PTPRO: variants seen among roughly 807,000 people sequenced by gnomAD.
PTPRO encodes protein tyrosine phosphatase receptor type O.
A neutral mutation model predicts 145.2 loss-of-function variants in PTPRO; 62 were observed. That is an observed-to-expected ratio of 0.43 (90% CI 0.35 to 0.53). The LOEUF is 0.53. Among genes scored for constraint, PTPRO ranks in the 20% least tolerant of loss-of-function variants. The pLI, the probability that PTPRO is intolerant of heterozygous loss-of-function variation, is 0.01. For missense variants in PTPRO, 1,345 were observed against 1,482.7 expected (o/e 0.91, Z 1.53); for synonymous variants, 565 against 514.7 (o/e 1.10, Z -1.32).
chr12:15,462,147 G>A (rs71459180), intron 1 of PTPRO, among the ~76,000 whole-genome samples: 1,529 of 151,822 alleles, frequency 0.01, 10 homozygotes, highest in Admixed American at 0.021. Context: ...CTTTTGAGAC[G>A]GCATTTCACC....
intron 1 of PTPRO, among the ~76,000 whole-genome samples, chr12:15,375,760 CAAAAAAA>C (rs529757376): frequency 3.5e-5 from 3 of 84,662 alleles, no homozygotes; most frequent in African/African-American, 4.5e-5. Context: ...TGTCCCCCAC[CAAAAAAA>C]AAAAAAAAAA....
chr12:15,499,650 G>A, intron 4 of PTPRO, 56 bp downstream of exon 4: 2 of 1,550,366 alleles, frequency 1.3e-6, no homozygotes, highest in African/African-American at 1.4e-5. Flanking sequence ...ATATTTTGCT[G>A]TACATTTATT....
chr12:15,381,582 A>G (rs1938863519), intron 1 of PTPRO, among the ~76,000 whole-genome samples: 1 of 152,132 alleles, frequency 6.6e-6, no homozygotes, highest in Non-Finnish European at 1.5e-5. Context: ...AATTAAGAAG[A>G]CAACAATAAT....
chr12:15,595,309 T>A (rs1014857591), intron 26 of PTPRO: 2 of 459,782 alleles, frequency 4.3e-6, no homozygotes, highest in East Asian at 4.3e-5. Flanking sequence ...TGACTTTACC[T>A]CCATTCCCTC....
At chr12:15,324,014 T>A (rs927721502) in intron 1 of PTPRO, among the ~76,000 whole-genome samples, 1 of 152,184 alleles carries the variant, frequency 6.6e-6, no homozygotes, top group African/African-American at 2.4e-5. Flanking sequence ...TGTTTTAACA[T>A]TTTTTCTTAA....
At chr12:15,522,840 T>C (rs1942754266) in intron 10 of PTPRO, among the ~76,000 whole-genome samples, 3 of 152,228 alleles carry the variant, frequency 2.0e-5, no homozygotes, top group Admixed American at 6.5e-5. Flanking sequence ...AAATCTGACA[T>C]GTGAGAGGAA....
intron 1 of PTPRO, among the ~76,000 whole-genome samples, chr12:15,451,207 C>G (rs972483556): frequency 6.6e-5 from 10 of 151,714 alleles, no homozygotes; most frequent in Admixed American, 6.6e-4. Context: ...ACAAAGCAAA[C>G]TTTAAAGCAA....
Position 15,597,934 on chromosome 12 carries a change from C to T in PTPRO, c.*1861C>T, listed in dbSNP as rs1944690831. On this transcript the variant is annotated 3_prime_UTR_variant, in exon 27 of 27. Transcript: ENST00000281171. Reference sequence around the variant, plus strand: ...GGGCAGTCAGGAGTGAAATGTGCAACCTTGGAAGAGCTGATACAATGTATG... The same window carrying T: ...GGGCAGTCAGGAGTGAAATGTGCAATCTTGGAAGAGCTGATACAATGTATG... 1.3e-5 allele frequency among the ~76,000 whole-genome samples: 2 copies of T among 152,170 alleles called. No homozygotes were observed. The highest frequency in any genetic ancestry group is 1.3e-4 in the Admixed American group (2 of 15,264).
At chr12:15,552,422 A>G (rs1247211099) in intron 15 of PTPRO, among the ~76,000 whole-genome samples, 1 of 152,212 alleles carries the variant, frequency 6.6e-6, no homozygotes, top group Non-Finnish European at 1.5e-5. Context: ...TTATAAATTA[A>G]CATTCTTCTC....
chr12:15,545,911 G>A (rs190953994), intron 12 of PTPRO, among the ~76,000 whole-genome samples: 1 of 151,942 alleles, frequency 6.6e-6, no homozygotes, highest in African/African-American at 2.4e-5. Context: ...AGTTACTTGG[G>A]AGTCGAGGCA....
At chr12:15,569,606 G>T in intron 19 of PTPRO, 108 bp downstream of exon 19, 3 of 998,514 alleles carry the variant, frequency 3.0e-6, no homozygotes, top group South Asian at 2.8e-5. Context: ...TAACAAAAAG[G>T]GTATTGGCCT....
chr12:15,553,762 G>T (rs1001030719), intron 15 of PTPRO, among the ~76,000 whole-genome samples: 6 of 152,172 alleles, frequency 3.9e-5, no homozygotes, highest in Admixed American at 6.5e-5. Context: ...ACAGAGACAG[G>T]CATATCAACT....
intron 2 of PTPRO, among the ~76,000 whole-genome samples, chr12:15,490,379 C>T (rs376851271): frequency 1.4e-4 from 21 of 152,154 alleles, no homozygotes; most frequent in South Asian, 1.2e-3. Context: ...ACAACTCTGC[C>T]GTTGTAAACA....
chr12:15,553,617 G>C (rs970397019), intron 15 of PTPRO, among the ~76,000 whole-genome samples: 2 of 152,194 alleles, frequency 1.3e-5, no homozygotes, highest in South Asian at 2.1e-4. Context: ...GTATGCCTTT[G>C]GAAGGACTTT....
intron 9 of PTPRO, among the ~76,000 whole-genome samples, chr12:15,519,928 T>C (rs1942679524): frequency 6.6e-6 from 1 of 152,214 alleles, no homozygotes; most frequent in South Asian, 2.1e-4. Flanking sequence ...GTTTCGCATG[T>C]GTAATATTAG....
At chr12:15,414,142 AC>A (rs1192170149) in intron 1 of PTPRO, among the ~76,000 whole-genome samples, 1 of 152,228 alleles carries the variant, frequency 6.6e-6, no homozygotes, top group Non-Finnish European at 1.5e-5. Context: ...AAATACTGAT[AC>A]CCAGAAGTAA....
In PTPRO at chr12:15,508,589, T is replaced by G; in HGVS notation, c.1286T>G (p.Ile429Ser). 1 of 1,614,096 alleles carries G rather than the reference T, an allele frequency of 6.2e-7. No individual in the cohort carries two copies. The highest frequency in any genetic ancestry group is 8.5e-7 in the Non-Finnish European group (1 of 1,179,988). ...SFYISPSGEWIEELTEKPQHV... is the reference protein window; with the variant it reads ...SFYISPSGEWSEELTEKPQHV... ...TGTGCAGGTCCTTCAGGAGAGTGGA[T>G]TGAAGAACTGACCGAGAAGCCGCAG... The change falls in exon 7 of 27, where the codon ATT becomes AGT. Residue 429 changes from isoleucine to serine, a missense_variant. Around this residue, in one of 3 missense-constraint regions of PTPRO, gnomAD observed 1,130 missense variants for 1,214.7 expected, o/e 0.93. Coordinates refer to ENST00000281171, the MANE Select transcript of PTPRO (RefSeq NM_030667.3).
intron 7 of PTPRO, among the ~76,000 whole-genome samples, chr12:15,514,313 G>C (rs969609146): frequency 5.9e-5 from 9 of 151,842 alleles, no homozygotes; most frequent in African/African-American, 2.2e-4. Context: ...TTAGCTGGGC[G>C]TGGTGGCCCA....
intron 1 of PTPRO, among the ~76,000 whole-genome samples, chr12:15,432,100 G>A (rs556827676): frequency 6.6e-6 from 1 of 152,008 alleles, no homozygotes; most frequent in Non-Finnish European, 1.5e-5. Context: ...CATCATCCAG[G>A]TATTATAATC....
Sources: allele counts gnomAD v4.1 joint callset (sites outside exome capture counted in the v4.1 genomes callset), GRCh38; gene constraint gnomAD v4.1.1; regional missense constraint gnomAD v4.1.1; transcripts MANE v1.5; gene names NCBI Gene and HGNC (gene_info 2026-07-23, HGNC 2026-07-21).